Variants in RAB4B observed in about 807,000 individuals in gnomAD.
RAB4B encodes RAB4B, member RAS oncogene family, also known as ras-related protein Rab-4B.
RAB4B carries 15 observed loss-of-function variants against 28.3 expected under a neutral mutation model. The observed-to-expected ratio is 0.53, with a 90% confidence interval of 0.35 to 0.82. The LOEUF (loss-of-function observed/expected upper bound fraction) is 0.82. Among genes scored for constraint, RAB4B ranks in the 40% least tolerant of loss-of-function variants. The probability of loss-of-function intolerance (pLI) is 0.01; values close to 1 mark genes in which losing one functional copy is unlikely to be tolerated. For synonymous variants in RAB4B, 108 were observed against 116.3 expected (o/e 0.93, Z 0.46); for missense variants, 244 against 288.5 (o/e 0.85, Z 1.12).
chr19:40,794,141 C>G, intron 7 of RAB4B, among the ~76,000 whole-genome samples: 1 of 151,418 alleles, frequency 6.6e-6, no homozygotes, highest in Admixed American at 6.6e-5. Context: ...ATGGTGTGGT[C>G]TCGGCTCACT....
chr19:40,789,747 C>T (rs898439072), intron 7 of RAB4B, among the ~76,000 whole-genome samples: 5 of 152,172 alleles, frequency 3.3e-5, no homozygotes, highest in African/African-American at 4.8e-5. Flanking sequence ...GATCCGCCCA[C>T]CTCAGCCTCC....
At chr19:40,779,884 G>T in intron 1 of RAB4B, 135 bp from the exon 2 acceptor site, 1 of 1,547,350 alleles carries the variant, frequency 6.5e-7, no homozygotes, top group Non-Finnish European at 8.7e-7. Context: ...TTACCTATTG[G>T]TTTGTTTCTG....
intron 7 of RAB4B, 77 bp downstream of exon 7, chr19:40,787,055 C>T (rs1001983120): frequency 2.5e-6 from 3 of 1,206,416 alleles, no homozygotes; most frequent in Non-Finnish European, 3.6e-6. Flanking sequence ...AGACACTGAA[C>T]ATGTGATGAC....
At chr19:40,786,807 G>A (rs1358582131) in intron 6 of RAB4B, 41 bp from the exon 7 acceptor site, 3 of 1,614,138 alleles carry the variant, frequency 1.9e-6, no homozygotes, top group Non-Finnish European at 2.5e-6. Flanking sequence ...AGGCCCGGGG[G>A]TCTCCAGGCA....
intron 7 of RAB4B, among the ~76,000 whole-genome samples, chr19:40,790,391 G>A (rs2083146084): frequency 6.7e-6 from 1 of 149,948 alleles, no homozygotes; most frequent in South Asian, 2.1e-4. Context: ...TTTATTTTGA[G>A]ACAGAGTCTC....
intron 5 of RAB4B, 87 bp downstream of exon 5, chr19:40,784,162 A>G (rs747680649): frequency 7.5e-6 from 11 of 1,461,420 alleles, no homozygotes; most frequent in Non-Finnish European, 1.0e-5. Flanking sequence ...GGCTGTACCC[A>G]GCAGGGGAAC....
In RAB4B at chr19:40,780,458, G is replaced by A. The variant is rs370335276; in HGVS notation, c.171G>A (p.Val57=). The part of the protein sequence containing the change: ...SRVVNVGGKT[V]KLQIWDTAGQ... Reference sequence around the variant, plus strand: ...TGGTCAACGTGGGTGGGAAGACTGTGAAGCTACAGATTTGGGACACGGCTG... The same window carrying A: ...TGGTCAACGTGGGTGGGAAGACTGTAAAGCTACAGATTTGGGACACGGCTG... The change falls in exon 3 of 8, where the codon GTG becomes GTA. Residue 57 remains valine (V), a synonymous_variant. Coordinates refer to ENST00000357052, the MANE Select transcript of RAB4B (RefSeq NM_016154.5). The A allele has an allele frequency of 1.0e-4, 166 of 1,613,756 alleles. No homozygotes were observed. Among genetic ancestry groups the A allele is most frequent in the Non-Finnish European group, 1.3e-4 (156 of 1,179,936 alleles).
At chr19:40,787,128 C>A in intron 7 of RAB4B, 150 bp downstream of exon 7, 1 of 779,768 alleles carries the variant, frequency 1.3e-6, no homozygotes, top group Admixed American at 2.5e-5. Flanking sequence ...TCTGGCTGGG[C>A]GCAGTGGCTC....
chr19:40,787,139 A>G (rs1334664760), intron 7 of RAB4B, among the ~76,000 whole-genome samples, 161 bp downstream of exon 7: 1 of 151,254 alleles, frequency 6.6e-6, no homozygotes, highest in African/African-American at 2.4e-5. Context: ...GCAGTGGCTC[A>G]CGCCTGTAAT....
At chr19:40,781,292 A>T (rs563133340) in intron 3 of RAB4B, among the ~76,000 whole-genome samples, 1 of 143,436 alleles carries the variant, frequency 7.0e-6, no homozygotes, top group Non-Finnish European at 1.5e-5. Flanking sequence ...GTCTCTGAAT[A>T]AATAAATAAA....
chr19:40,787,012 G>A, intron 7 of RAB4B, 34 bp downstream of exon 7: 5 of 1,558,346 alleles, frequency 3.2e-6, no homozygotes, highest in Middle Eastern at 1.9e-4. Context: ...AGGCAGGGCG[G>A]CCTCTTGGGC....
At chr19:40,789,429 C>T (rs547477590) in intron 7 of RAB4B, among the ~76,000 whole-genome samples, 7 of 151,206 alleles carry the variant, frequency 4.6e-5, no homozygotes, top group Admixed American at 2.6e-4. Context: ...CTGGAACTCC[C>T]GACCTCAGGT....
intron 7 of RAB4B, chr19:40,792,345 TGATGGTCAA>T (rs1413958305): frequency 2.6e-5 from 4 of 152,246 alleles, no homozygotes; most frequent in Non-Finnish European, 5.9e-5. Flanking sequence ...GAATGGGGCC[TGATGGTCAA>T]GACTTGATCG....
At position 40,780,050 on chromosome 19, in the gene RAB4B, T is replaced by C; in HGVS notation, c.48T>C (p.Ser16=). The stretch of plus-strand genomic sequence containing the variant: ...TCTTCAAATTCCTGGTGATTGGCAG[T>C]GCAGGAACTGGCAAATCATGTCTCC... The part of the protein sequence containing the change: ...DFLFKFLVIG[S]AGTGKSCLLH... Residue 16 remains serine, a synonymous_variant, in exon 2 of 8, where the codon AGT becomes AGC. Transcript: ENST00000357052. 1 of 1,611,328 alleles carries C rather than the reference T, an allele frequency of 6.2e-7. No individual in the cohort carries two copies. Among genetic ancestry groups the C allele is most frequent in the Non-Finnish European group, 8.5e-7 (1 of 1,177,462 alleles).
Position 40,786,948 on chromosome 19 carries a change from G to T in RAB4B, c.627G>T (p.Gln209His), listed in dbSNP as rs746199030. ...GGAGTGCCCAGGCCGTGGCCCCTCA[G>T]CCGTGTGGCTGCTGAGCTCTGTGGA... The part of the protein sequence containing the change: ...QPRSAQAVAP[Q>H]PCGC The change falls in exon 7 of 8, where the codon CAG (glutamine) becomes CAT (histidine). Residue 209 changes from glutamine (Q) to histidine (H), a missense_variant. Gln to His is a conservative substitution (Grantham distance 24). Coordinates refer to ENST00000357052, the MANE Select transcript of RAB4B (RefSeq NM_016154.5). 2.5e-6 allele frequency: 4 copies of T among 1,613,832 alleles called. No individual in the cohort carries two copies. Among genetic ancestry groups the T allele is most frequent in the Non-Finnish European group, 3.4e-6 (4 of 1,179,920 alleles).
At chr19:40,787,622 G>T (rs1249717864) in intron 7 of RAB4B, among the ~76,000 whole-genome samples, 1 of 151,394 alleles carries the variant, frequency 6.6e-6, no homozygotes, top group Non-Finnish European at 1.5e-5. Flanking sequence ...GGCCCAGGGG[G>T]GTCAGGGCCA....
At chr19:40,779,933 A>G (rs746949866) in intron 1 of RAB4B, 86 bp from the exon 2 acceptor site, 1 of 1,607,644 alleles carries the variant, frequency 6.2e-7, no homozygotes, top group Non-Finnish European at 8.5e-7. Context: ...TGATGGTTAG[A>G]GAGAGAGATT....
intron 3 of RAB4B, among the ~76,000 whole-genome samples, chr19:40,781,030 C>T (rs768333813): frequency 6.7e-6 from 1 of 149,032 alleles, no homozygotes; most frequent in East Asian, 2.0e-4. Flanking sequence ...AATCCCAGCA[C>T]TGTGGGAGGC....
intron 5 of RAB4B, among the ~76,000 whole-genome samples, chr19:40,784,461 C>G (rs1422695590): frequency 6.6e-6 from 1 of 152,052 alleles, no homozygotes; most frequent in Admixed American, 6.6e-5. Flanking sequence ...CCATTGTACT[C>G]CAGTCTGGGA....
Sources: allele counts gnomAD v4.1 joint callset (sites outside exome capture counted in the v4.1 genomes callset), GRCh38; gene constraint gnomAD v4.1.1; transcripts MANE v1.5; gene names NCBI Gene and HGNC (gene_info 2026-07-23, HGNC 2026-07-21).